Variants in BAIAP2 observed in about 807,000 individuals in gnomAD.
BAIAP2 encodes BAR/IMD domain containing adaptor protein 2.
BAIAP2 carries 18 observed loss-of-function variants against 63.0 expected under a neutral mutation model. That is an observed-to-expected ratio of 0.29 (90% CI 0.20 to 0.42). The LOEUF is 0.42. BAIAP2 is among the 10% of genes least tolerant of loss of function. The pLI, the probability that BAIAP2 is intolerant of heterozygous loss-of-function variation, is 1.00. For missense variants in BAIAP2, 610 were observed against 734.3 expected (o/e 0.83, Z 1.96); for synonymous variants, 386 against 307.6 (o/e 1.25, Z -2.67).
At chr17:81,096,722 C>T (rs187341715) in intron 6 of BAIAP2, among the ~76,000 whole-genome samples, 1 of 152,382 alleles carries the variant, frequency 6.6e-6, no homozygotes, top group Non-Finnish European at 1.5e-5. Flanking sequence ...GTGTCCTCCT[C>T]CATGGCTGCA....
chr17:81,057,686 A>G, intron 2 of BAIAP2, 195 bp from the exon 3 acceptor site: 1 of 1,380,086 alleles, frequency 7.2e-7, no homozygotes, highest in Non-Finnish European at 9.3e-7. Context: ...AGCTCTCATG[A>G]TTGGGGTGAA....
chr17:81,035,417 A>G (rs2046079181), intron 1 of BAIAP2, 109 bp downstream of exon 1: 2 of 577,132 alleles, frequency 3.5e-6, no homozygotes, highest in Non-Finnish European at 4.4e-6. Context: ...GCGCCGGGCC[A>G]GGAGGCTGGG....
intron 6 of BAIAP2, among the ~76,000 whole-genome samples, chr17:81,096,766 T>TCCCCAGG (rs2057686772): frequency 6.6e-6 from 1 of 152,200 alleles, no homozygotes; most frequent in African/African-American, 2.4e-5. Flanking sequence ...CATCATGCCC[T>TCCCCAGG]CCCCAGGCCC....
chr17:81,084,694 T>C (rs2145267160), intron 3 of BAIAP2, 138 bp from the exon 4 acceptor site: 2 of 778,436 alleles, frequency 2.6e-6, no homozygotes, highest in East Asian at 4.9e-5. Context: ...CGCCCTCCCT[T>C]CTGGCCCTGA....
chr17:81,086,536 C>G lies in BAIAP2; in HGVS notation c.445C>G (p.Gln149Glu), dbSNP rs367841125. 2 of 1,613,784 alleles carry G rather than the reference C, an allele frequency of 1.2e-6. No homozygotes were observed. The highest frequency in any genetic ancestry group is 2.7e-5 in the African/African-American group (2 of 74,934). The part of the protein sequence containing the change: ...AELKKLRKKS[Q>E]GSKNPQKYSD... The stretch of plus-strand genomic sequence containing the variant: ...GCTGAAGAAGCTTCGGAAGAAGAGC[C>G]AGGGCAGCAAGAATCCTCAGAAGTA... Residue 149 changes from glutamine (Q) to glutamate (E), a missense_variant, in exon 6 of 14, where the codon CAG (glutamine) becomes GAG (glutamate). This residue lies in a region of BAIAP2 where 389 missense variants were observed against 455.6 expected (regional missense o/e 0.85). Transcript: ENST00000428708.
At chr17:81,094,130 C>T (rs1355345949) in intron 6 of BAIAP2, among the ~76,000 whole-genome samples, 1 of 152,162 alleles carries the variant, frequency 6.6e-6, no homozygotes, top group Non-Finnish European at 1.5e-5. Context: ...GGGCACTCTG[C>T]TTCCCCAAGC....
At chr17:81,037,922 C>T (rs181905169) in intron 1 of BAIAP2, among the ~76,000 whole-genome samples, 15 of 152,380 alleles carry the variant, frequency 9.8e-5, no homozygotes, top group African/African-American at 2.6e-4. Context: ...CAGACTTTGA[C>T]CTCTTTTCTG....
rs111923269 is a variant in BAIAP2, at chr17:81,049,147, C to T, written c.55-4521C>T. Among the ~76,000 whole-genome samples the T allele has an allele frequency of 4.6e-5, 7 of 152,370 alleles. 1 individual carries two copies. Among genetic ancestry groups the T allele is most frequent in the African/African-American group, 1.4e-4 (6 of 41,590 alleles). On this transcript the variant is annotated intron_variant, in intron 1 of 13. Transcript: ENST00000428708. ...GGGCACAGCAGAGCTCTGCACGCGC[C>T]GGGCTGCGTTTGTACTGCACAGGTC...
In BAIAP2 at chr17:81,086,448, G is replaced by A. The variant is rs756848734; in HGVS notation, c.357G>A (p.Ala119=). ...VELDSRYLSA[A]LKKYQTEQRS... ...TTTTATTGTTTGAATCTCAGGCTGC[G>A]CTGAAGAAATACCAGACTGAGCAAA... Residue 119 remains alanine, a synonymous_variant, in exon 6 of 14, where the codon GCG becomes GCA. Coordinates refer to ENST00000428708, the MANE Select transcript of BAIAP2 (RefSeq NM_001144888.2). The A allele has an allele frequency of 3.3e-5, 54 of 1,613,798 alleles. No homozygotes were observed. The East Asian group carries it at 5.1e-4, about 15-fold the overall frequency.
intron 13 of BAIAP2, among the ~76,000 whole-genome samples, chr17:81,113,187 C>T (rs530150527): frequency 6.6e-6 from 1 of 152,360 alleles, no homozygotes; most frequent in South Asian, 2.1e-4. Context: ...AGCGCCCTGC[C>T]CGCCCAACAG....
At position 81,091,081 on chromosome 17, in the gene BAIAP2, T is replaced by TGGACCC. The variant is rs1390100496; in HGVS notation, c.489+4502_489+4503insGACCCG. Among the ~76,000 whole-genome samples, 465 of 129,070 alleles carry TGGACCC rather than the reference T, an allele frequency of 3.6e-3. 9 individuals carry two copies. The South Asian group carries it at 0.044, about 12-fold the overall frequency. The allele number at this position is 129,070 out of a possible 152,430, so 84.7% of individuals were successfully genotyped here. On this transcript the variant is annotated intron_variant, in intron 6 of 13. Coordinates refer to ENST00000428708, the MANE Select transcript of BAIAP2 (RefSeq NM_001144888.2). ...TTGTGTGGACCCGCCCCCACTTGTGTGCCCCGACTTGTGTGGTGCAGGAGG... is the reference window on the plus strand; with the variant it reads ...TTGTGTGGACCCGCCCCCACTTGTGTGGACCCGCCCCGACTTGTGTGGTGCAGGAGG...
intron 12 of BAIAP2, chr17:81,107,821 C>T (rs2059367962): frequency 6.5e-6 from 1 of 152,716 alleles, no homozygotes; most frequent in Admixed American, 6.5e-5. Context: ...AGGAGGCAAC[C>T]TGGAGAGGTT....
At chr17:81,063,536 G>A (rs2050948437) in intron 3 of BAIAP2, among the ~76,000 whole-genome samples, 1 of 152,248 alleles carries the variant, frequency 6.6e-6, no homozygotes, top group African/African-American at 2.4e-5. Flanking sequence ...CCGTGGGGTT[G>A]TGCGGCAGCC....
At chr17:81,108,028 T>G in intron 12 of BAIAP2, 2 of 191,118 alleles carry the variant, frequency 1.0e-5, no homozygotes, top group East Asian at 1.5e-4. Flanking sequence ...GGATGGTACA[T>G]GTGACAAGTT....
intron 6 of BAIAP2, 75 bp from the exon 7 acceptor site, chr17:81,099,853 G>C (rs1193935871): frequency 2.0e-6 from 3 of 1,536,096 alleles, no homozygotes; most frequent in Non-Finnish European, 1.8e-6. Flanking sequence ...GACTGAGTCC[G>C]TGGGGCTGCC....
rs1204131158 is a variant in BAIAP2, at chr17:81,055,182, G to A, written c.130+1439G>A. 3.9e-5 allele frequency among the ~76,000 whole-genome samples: 6 copies of A among 152,296 alleles called. No homozygotes were observed. In the East Asian group the frequency reaches 1.2e-3, roughly 29 times the overall value. ...GGTGTCAAGGACGGGGCAGGAGTTG[G>A]TCAGCCCTCGTTCCTTTTTTACCAC... is the stretch of plus-strand genomic sequence containing the variant. On this transcript the variant is annotated intron_variant, in intron 2 of 13. Coordinates refer to ENST00000428708, the MANE Select transcript of BAIAP2 (RefSeq NM_001144888.2).
intron 3 of BAIAP2, among the ~76,000 whole-genome samples, chr17:81,082,001 A>T (rs553596551): frequency 2.4e-4 from 36 of 151,938 alleles, no homozygotes; most frequent in East Asian, 1.2e-3. Flanking sequence ...GGCGCGTCTT[A>T]GGTGGTTTGT....
chr17:81,111,858 G>A (rs2059966029), intron 13 of BAIAP2, among the ~76,000 whole-genome samples: 2 of 152,234 alleles, frequency 1.3e-5, no homozygotes, highest in African/African-American at 4.8e-5. Flanking sequence ...TAGGAGGGCG[G>A]CTCTGCAAAG....
intron 6 of BAIAP2, among the ~76,000 whole-genome samples, chr17:81,098,529 G>C (rs962092981): frequency 7.2e-5 from 11 of 152,202 alleles, no homozygotes; most frequent in Middle Eastern, 3.4e-3. Context: ...GGGGTTGTGC[G>C]ATCACCACCA....
Sources: gnomAD v4.1 joint callset for allele counts (sites outside exome capture counted in the v4.1 genomes callset) on GRCh38, gnomAD v4.1.1 for gene constraint, gnomAD v4.1.1 regional missense constraint, MANE v1.5 for transcripts, NCBI Gene and HGNC (gene_info 2026-07-23, HGNC 2026-07-21) for gene names.